FAM135B: variants seen among roughly 807,000 people sequenced by gnomAD.
FAM135B encodes protein FAM135B.
Under a neutral mutation model 127.7 loss-of-function variants are expected in FAM135B, and 43 were observed. The ratio of observed to expected loss-of-function variants is 0.34; its 90% CI spans 0.26 to 0.43. The LOEUF is 0.43. Ranked by LOEUF, FAM135B falls within the 20% of genes least tolerant of loss-of-function variation. The pLI, the probability that FAM135B is intolerant of heterozygous loss-of-function variation, is 1.00. For synonymous variants in FAM135B, 670 were observed against 665.1 expected, an observed-to-expected ratio of 1.01 and a Z score of -0.11; for missense variants, 1,558 against 1,725.6, an observed-to-expected ratio of 0.90 and a Z score of 1.72.
intron 1 of FAM135B, among the ~76,000 whole-genome samples, chr8:138,413,884 G>C (rs562775057): frequency 2.6e-5 from 4 of 152,054 alleles, no homozygotes; most frequent in South Asian, 4.2e-4. Flanking sequence ...ATAAACCTGG[G>C]GGGGTGGGTG....
At chr8:138,268,499 G>A (rs536190043) in intron 3 of FAM135B, among the ~76,000 whole-genome samples, 3 of 152,082 alleles carry the variant, frequency 2.0e-5, no homozygotes, top group African/African-American at 2.4e-5. Flanking sequence ...ATAGGGCATC[G>A]CATAGAACAG....
chr8:138,411,380 C>T (rs200560946), intron 1 of FAM135B, among the ~76,000 whole-genome samples: 70 of 152,160 alleles, frequency 4.6e-4, no homozygotes, highest in Middle Eastern at 3.4e-3. Flanking sequence ...AAACAAGCAA[C>T]GGGGAAAGGA....
At chr8:138,198,907 G>A (rs116284346) in intron 7 of FAM135B, among the ~76,000 whole-genome samples, 1,801 of 152,274 alleles carry the variant, frequency 0.012, 28 homozygotes, top group African/African-American at 0.038. Flanking sequence ...TAGTATGCTC[G>A]TGCCCATCTA....
chr8:138,200,605 G>T (rs144855386), intron 7 of FAM135B, among the ~76,000 whole-genome samples: 24 of 152,262 alleles, frequency 1.6e-4, no homozygotes, highest in Middle Eastern at 6.8e-3. Context: ...TATCATCAAA[G>T]TAAACACAAC....
chr8:138,269,730 G>A (rs1044751380), intron 3 of FAM135B, among the ~76,000 whole-genome samples: 2 of 152,194 alleles, frequency 1.3e-5, no homozygotes, highest in Non-Finnish European at 2.9e-5. Context: ...CAGAATCCGA[G>A]CTCCAATGAG....
At chr8:138,368,967 A>G (rs558835698) in intron 1 of FAM135B, among the ~76,000 whole-genome samples, 95 of 152,252 alleles carry the variant, frequency 6.2e-4, no homozygotes, top group African/African-American at 2.2e-3. Context: ...AGAATTTTGT[A>G]TTATTCTTGC....
chr8:138,135,209 G>C (rs1226418727), intron 19 of FAM135B, among the ~76,000 whole-genome samples: 1 of 152,136 alleles, frequency 6.6e-6, no homozygotes, highest in African/African-American at 2.4e-5. Context: ...CTGTTCTTAA[G>C]GCTTTACCAA....
intron 1 of FAM135B, among the ~76,000 whole-genome samples, chr8:138,388,578 T>C (rs1019460847): frequency 1.2e-4 from 18 of 152,166 alleles, no homozygotes; most frequent in African/African-American, 2.2e-4. Context: ...AAATGAGCTA[T>C]CAAGCCATGT....
chr8:138,476,608 A>C (rs1814465165), intron 1 of FAM135B, among the ~76,000 whole-genome samples: 1 of 152,120 alleles, frequency 6.6e-6, no homozygotes, highest in Non-Finnish European at 1.5e-5. Flanking sequence ...GAACCTATTG[A>C]ATCAATCTCC....
At chr8:138,190,691 A>G (rs1816039733) in intron 9 of FAM135B, among the ~76,000 whole-genome samples, 1 of 152,140 alleles carries the variant, frequency 6.6e-6, no homozygotes, top group South Asian at 2.1e-4. Flanking sequence ...TACAAGAAAC[A>G]TTTACCATCT....
intron 7 of FAM135B, among the ~76,000 whole-genome samples, chr8:138,232,219 T>G (rs1039755431): frequency 2.0e-5 from 3 of 151,476 alleles, no homozygotes; most frequent in African/African-American, 7.3e-5. Context: ...TCATGCACCA[T>G]GAGCCATGCT....
chr8:138,234,690 C>T (rs1237440315), intron 7 of FAM135B, among the ~76,000 whole-genome samples: 1 of 152,212 alleles, frequency 6.6e-6, no homozygotes, highest in African/African-American at 2.4e-5. Flanking sequence ...TATTCAGCTA[C>T]TTCATCAGTG....
intron 1 of FAM135B, chr8:138,440,524 T>C (rs1217616028): frequency 1.3e-5 from 2 of 151,722 alleles, no homozygotes; most frequent in African/African-American, 4.9e-5. Flanking sequence ...AACTGCATTG[T>C]CTAAATCATA....
At chr8:138,364,555 C>T (rs1293139106) in intron 2 of FAM135B, among the ~76,000 whole-genome samples, 2 of 152,136 alleles carry the variant, frequency 1.3e-5, no homozygotes, top group Non-Finnish European at 2.9e-5. Flanking sequence ...TAAATACGCA[C>T]CTTCCTTAAA....
chr8:138,249,218 G>T (rs1404365891), intron 6 of FAM135B, among the ~76,000 whole-genome samples: 3 of 152,122 alleles, frequency 2.0e-5, no homozygotes, highest in Non-Finnish European at 4.4e-5. Context: ...AGCAGCTAGG[G>T]AATATCCTGT....
intron 2 of FAM135B, among the ~76,000 whole-genome samples, chr8:138,339,436 C>A (rs1255132570): frequency 6.6e-6 from 1 of 151,518 alleles, no homozygotes. Context: ...CCCACCACCC[C>A]CCACACATAC....
chr8:138,447,860 G>T (rs1390061324), intron 1 of FAM135B, among the ~76,000 whole-genome samples: 1 of 151,388 alleles, frequency 6.6e-6, no homozygotes, highest in Non-Finnish European at 1.5e-5. Flanking sequence ...GACAAAGAAG[G>T]GTAAAGGGAC....
chr8:138,168,479 T>C (rs1820144176), intron 11 of FAM135B, among the ~76,000 whole-genome samples: 1 of 152,168 alleles, frequency 6.6e-6, no homozygotes, highest in Admixed American at 6.5e-5. Flanking sequence ...TTTTGGCATA[T>C]TTGAATTAAA....
chr8:138,264,405 C>T (rs1182188752), intron 4 of FAM135B, among the ~76,000 whole-genome samples: 1 of 152,202 alleles, frequency 6.6e-6, no homozygotes, highest in African/African-American at 2.4e-5. Flanking sequence ...AGGTCTCTTC[C>T]ACTTTGGGTA....
Sources: allele counts gnomAD v4.1 joint callset (sites outside exome capture counted in the v4.1 genomes callset), GRCh38; gene constraint gnomAD v4.1.1; transcripts MANE v1.5; gene names NCBI Gene and HGNC (gene_info 2026-07-23, HGNC 2026-07-21).